Variants in RPRD2 observed in about 807,000 individuals in gnomAD.
RPRD2 encodes the protein regulation of nuclear pre-mRNA domain containing 2.
A neutral mutation model predicts 104.4 loss-of-function variants in RPRD2; 12 were observed. The observed-to-expected ratio is 0.11, with a 90% confidence interval of 0.07 to 0.19. RPRD2 has a LOEUF of 0.19. Ranked by LOEUF, RPRD2 falls within the 10% of genes least tolerant of loss-of-function variation. The pLI is 1.00. For missense variants in RPRD2, 1,543 were observed against 1,790.1 expected, an observed-to-expected ratio of 0.86 and a Z score of 2.49; for synonymous variants, 714 against 684.9, an observed-to-expected ratio of 1.04 and a Z score of -0.66.
Position 150,472,328 on chromosome 1 carries a change from G to A in RPRD2, c.3380G>A (p.Gly1127Asp), listed in dbSNP as rs375437365. 5 of 1,613,890 alleles carry A rather than the reference G, an allele frequency of 3.1e-6. No individual in the cohort carries two copies. The African/African-American group carries it at 5.3e-5, about 17-fold the overall frequency. Reference protein sequence around the residue: ...RGHGREASRVGWFDLSTSGSS... With the variant: ...RGHGREASRVDWFDLSTSGSS... Reference sequence around the variant, plus strand: ...CATGGGCGTGAGGCTTCAAGGGTGGGTTGGTTTGATCTGAGCACATCAGGT... The same window carrying A: ...CATGGGCGTGAGGCTTCAAGGGTGGATTGGTTTGATCTGAGCACATCAGGT... The change falls in exon 11 of 11, where the codon GGT becomes GAT. Residue 1127 changes from glycine to aspartate, a missense_variant. Physicochemically the swap from Gly to Asp is moderately conservative, Grantham distance 94. Transcript: ENST00000369068.
chr1:150,370,073 C>T (rs1331232132), intron 1 of RPRD2, among the ~76,000 whole-genome samples: 11 of 151,922 alleles, frequency 7.2e-5, no homozygotes, highest in Non-Finnish European at 1.3e-4. Flanking sequence ...TGAGCCACCA[C>T]GCCCGGCCAA....
At chr1:150,436,168 A>G (rs958031422) in intron 2 of RPRD2, among the ~76,000 whole-genome samples, 7 of 151,736 alleles carry the variant, frequency 4.6e-5, no homozygotes, top group Admixed American at 6.6e-5. Flanking sequence ...ACAAAATATT[A>G]CTGTTCATTG....
rs1479309503 is a variant in RPRD2, at chr1:150,472,954, C to T, written c.4006C>T (p.Leu1336=). ...KDHSSLLQGT[L]AEHFGVLPGP... ...CCATAGTTCCCTCCTTCAAGGGACC[C>T]TGGCTGAGCATTTTGGGGTACTCCC... Residue 1336 remains leucine (L), a synonymous_variant, in exon 11 of 11, where the codon CTG becomes TTG. Coordinates refer to ENST00000369068, the MANE Select transcript of RPRD2 (RefSeq NM_015203.5). 2 of 1,613,726 alleles carry T rather than the reference C, an allele frequency of 1.2e-6. No homozygotes were observed. The highest frequency in any genetic ancestry group is 2.7e-5 in the African/African-American group (2 of 74,946).
At chr1:150,381,317 G>A (rs1430020139) in intron 1 of RPRD2, among the ~76,000 whole-genome samples, 3 of 151,734 alleles carry the variant, frequency 2.0e-5, no homozygotes, top group Non-Finnish European at 2.9e-5. Context: ...AGCTACTCAG[G>A]AGCCTGAGGT....
chr1:150,443,243 C>T lies in RPRD2; in HGVS notation c.527C>T (p.Pro176Leu). 10 of 1,577,306 alleles carry T rather than the reference C, an allele frequency of 6.3e-6. No individual in the cohort carries two copies. The highest frequency in any genetic ancestry group is 8.6e-6 in the Non-Finnish European group (10 of 1,159,814). ...TTAATTCCAACAGCATCTACAAATC[C>T]AAAAGCTGCTCTCAAGTCTAAGATA... ...QWKKSQTSTN[P>L]KAALKSKIVA... The change falls in exon 5 of 11, where the codon CCA becomes CTA. Residue 176 changes from proline to leucine, a missense_variant. Pro to Leu is a moderately conservative substitution (Grantham distance 98, BLOSUM62 -3). This residue lies in a region of RPRD2 where 572 missense variants were observed against 787.3 expected (regional missense o/e 0.73). Coordinates refer to ENST00000369068, the MANE Select transcript of RPRD2 (RefSeq NM_015203.5).
At chr1:150,386,201 T>TG (rs1661555144) in intron 1 of RPRD2, among the ~76,000 whole-genome samples, 1 of 152,192 alleles carries the variant, frequency 6.6e-6, no homozygotes, top group Non-Finnish European at 1.5e-5. Context: ...CTCGAACTCC[T>TG]GGGTTCTAGT....
chr1:150,420,162 A>C (rs1664660253), intron 2 of RPRD2, among the ~76,000 whole-genome samples: 1 of 152,170 alleles, frequency 6.6e-6, no homozygotes, highest in Admixed American at 6.6e-5. Context: ...TATAAATATC[A>C]CTGTAGTATC....
Position 150,471,140 on chromosome 1 carries a change from G to C in RPRD2, c.2192G>C (p.Gly731Ala), listed in dbSNP as rs201968541. Residue 731 changes from glycine (G) to alanine (A), a missense_variant, in exon 11 of 11, where the codon GGG (glycine) becomes GCG (alanine). Gly to Ala is a moderately conservative substitution (Grantham distance 60, BLOSUM62 0). This residue lies in a region of RPRD2 where 572 missense variants were observed against 787.3 expected (regional missense o/e 0.73). Coordinates refer to ENST00000369068, the MANE Select transcript of RPRD2 (RefSeq NM_015203.5). This position sits in a 1 kb window ranked among gnomAD's most constrained non-coding sequence, Gnocchi z 5.3. ...DGTPVRDERS[G>A]TPTQDEMMDK... ...ACCCCTGTACGGGATGAACGGAGTG[G>C]GACACCCACCCAGGATGAGATGATG... The C allele has an allele frequency of 1.9e-5, 30 of 1,613,814 alleles. No homozygotes were observed. The East Asian group carries it at 6.5e-4, about 35-fold the overall frequency.
chr1:150,398,205 TA>T (rs1253780258), intron 1 of RPRD2, among the ~76,000 whole-genome samples: 6 of 150,694 alleles, frequency 4.0e-5, no homozygotes, highest in African/African-American at 1.5e-4. Flanking sequence ...TATTTTATTT[TA>T]TTTTTTTTGA....
chr1:150,369,480 G>T (rs1221042828), intron 1 of RPRD2, among the ~76,000 whole-genome samples: 1 of 87,476 alleles, frequency 1.1e-5, no homozygotes, highest in Non-Finnish European at 2.3e-5. Context: ...TTTTTGAGAC[G>T]GAGTCTTGCT....
At chr1:150,392,714 G>C (rs587752802) in intron 1 of RPRD2, among the ~76,000 whole-genome samples, 16 of 152,148 alleles carry the variant, frequency 1.1e-4, no homozygotes, top group African/African-American at 3.1e-4. Context: ...CTGGTAACAA[G>C]TACCCGTAGT....
chr1:150,444,165 T>G, intron 5 of RPRD2, 86 bp from the exon 6 acceptor site: 1 of 1,373,730 alleles, frequency 7.3e-7, no homozygotes, highest in East Asian at 2.3e-5. Context: ...TTGTTTTGTT[T>G]TGTTTTGTTT....
chr1:150,458,259 A>G (rs1297648401), intron 8 of RPRD2, among the ~76,000 whole-genome samples: 1 of 152,196 alleles, frequency 6.6e-6, no homozygotes. Context: ...CTTTGAGACC[A>G]GCCTGGGCAA....
intron 1 of RPRD2, among the ~76,000 whole-genome samples, chr1:150,370,411 T>C (rs1258178817): frequency 6.6e-6 from 1 of 152,118 alleles, no homozygotes; most frequent in Non-Finnish European, 1.5e-5. Flanking sequence ...GAGATAATTC[T>C]GTCTGGAATT....
chr1:150,400,140 T>C (rs138528498), intron 1 of RPRD2, among the ~76,000 whole-genome samples: 2,332 of 152,338 alleles, frequency 0.015, 63 homozygotes, highest in African/African-American at 0.051. Flanking sequence ...CATGCTCTTA[T>C]AAATGGTACT....
At chr1:150,432,049 A>G (rs781923238) in intron 2 of RPRD2, among the ~76,000 whole-genome samples, 4 of 151,998 alleles carry the variant, frequency 2.6e-5, no homozygotes, top group African/African-American at 7.2e-5. Flanking sequence ...AATGTACTTA[A>G]CTTTTGAACT....
chr1:150,471,529 A>C lies in RPRD2; in HGVS notation c.2581A>C (p.Ser861Arg), dbSNP rs1668586648. The C allele has an allele frequency of 6.2e-7, 1 of 1,613,838 alleles. No individual in the cohort carries two copies. Among genetic ancestry groups the C allele is most frequent in the East Asian group, 2.2e-5 (1 of 44,864 alleles). ...ACCAGCCAAATCTATCCTGAAATCAAGCAAGCTGTCTGATACCACCGAGTA... is the reference window on the plus strand; with the variant it reads ...ACCAGCCAAATCTATCCTGAAATCACGCAAGCTGTCTGATACCACCGAGTA... ...KKPAKSILKS[S>R]KLSDTTEYQP... Residue 861 changes from serine to arginine, a missense_variant, in exon 11 of 11, where the codon AGC becomes CGC. Physicochemically the swap from Ser to Arg is moderately radical, Grantham distance 110. Around this residue, in one of 4 missense-constraint regions of RPRD2, gnomAD observed 880 missense variants for 885.6 expected, o/e 0.99. Transcript: ENST00000369068. This position sits in a 1 kb window ranked among gnomAD's most constrained non-coding sequence, Gnocchi z 5.3.
chr1:150,465,429 T>G (rs1668202710), intron 10 of RPRD2, among the ~76,000 whole-genome samples: 1 of 152,200 alleles, frequency 6.6e-6, no homozygotes, highest in African/African-American at 2.4e-5. Context: ...ATTTTTTTTA[T>G]ATTTATCATC....
In RPRD2 at chr1:150,472,719, T is replaced by A. The variant is rs781238318; in HGVS notation, c.3771T>A (p.Pro1257=). Residue 1257 remains proline, a synonymous_variant, in exon 11 of 11, where the codon CCT becomes CCA. Coordinates refer to ENST00000369068, the MANE Select transcript of RPRD2 (RefSeq NM_015203.5). ...EAALAHAAPP[P]PPGEHSGIPF... ...CCCTGGCCCATGCTGCCCCACCCCC[T>A]CCTCCTGGAGAGCACAGTGGAATTC... 6.2e-6 allele frequency: 10 copies of A among 1,611,880 alleles called. No homozygotes were observed. In the Admixed American group the frequency reaches 1.7e-4, roughly 27 times the overall value.
Sources: gnomAD v4.1 joint callset for allele counts (sites outside exome capture counted in the v4.1 genomes callset) on GRCh38, gnomAD v4.1.1 for gene constraint, gnomAD v4.1.1 regional missense constraint, Gnocchi (gnomAD v3.1) non-coding constraint, MANE v1.5 for transcripts, NCBI Gene and HGNC (gene_info 2026-07-23, HGNC 2026-07-21) for gene names.